The following CMKLR1 variants were observed in gnomAD, a reference collection of about 807,000 sequenced individuals.
The protein encoded by CMKLR1 is chemerin chemokine-like receptor 1.
A neutral mutation model predicts 8.2 loss-of-function variants in CMKLR1; 6 were observed. The observed-to-expected ratio is 0.73, with a 90% CI of 0.40 to 1.44. CMKLR1 has a LOEUF of 1.44. Among genes scored for constraint, CMKLR1 ranks in the 40% most tolerant of loss-of-function variants. CMKLR1 has a pLI of 0.02. For synonymous variants in CMKLR1, 178 were observed against 181.2 expected, an observed-to-expected ratio of 0.98 and a Z score of 0.14; for missense variants, 429 against 478.0, an observed-to-expected ratio of 0.90 and a Z score of 0.96.
In CMKLR1 at chr12:108,303,584, C is replaced by T. The variant is rs116595226; in HGVS notation, c.-73-9920G>A. Reference sequence around the variant, plus strand: ...TTCTGAAGGAATGCTCAGAGACAGGCTTCAAGCCCAAACCCTGCTGAATTG... The same window carrying T: ...TTCTGAAGGAATGCTCAGAGACAGGTTTCAAGCCCAAACCCTGCTGAATTG... On this transcript the variant is annotated intron_variant, in intron 2 of 3. Transcript: ENST00000550402. 3.9e-3 allele frequency among the ~76,000 whole-genome samples: 600 copies of T among 152,290 alleles called. 2 individuals carry two copies. Among genetic ancestry groups the T allele is most frequent in the African/African-American group, 0.013 (552 of 41,558 alleles).
chr12:108,293,704 C>G, intron 2 of CMKLR1, 40 bp from the exon 3 acceptor site: 1 of 1,214,968 alleles, frequency 8.2e-7, no homozygotes, highest in East Asian at 2.5e-5. Context: ...GCAATTGGAT[C>G]CAGGTCTAAG....
chr12:108,292,084 G>C lies in CMKLR1; in HGVS notation c.879C>G (p.Val293=), dbSNP rs760288931. Residue 293 remains valine (V), a synonymous_variant, in exon 4 of 4, where the codon GTC becomes GTG. Coordinates refer to ENST00000550402, the MANE Select transcript of CMKLR1 (RefSeq NM_001142343.2). The part of the protein sequence containing the change: ...ELHHTAMPGS[V]FSLGLPLATA... ...TGGCCAGGGGCAAACCCAGGCTGAA[G>C]ACAGAGCCAGGCATGGCAGTGTGGT... is the stretch of plus-strand genomic sequence containing the variant. 1 of 1,614,122 alleles carries C rather than the reference G, an allele frequency of 6.2e-7. No homozygotes were observed. Among genetic ancestry groups the C allele is most frequent in the Non-Finnish European group, 8.5e-7 (1 of 1,180,038 alleles).
rs143062547 is a variant in CMKLR1, at chr12:108,304,932, A to C, written c.-73-11268T>G. 2.9e-3 allele frequency among the ~76,000 whole-genome samples: 447 copies of C among 152,348 alleles called. 1 individual carries two copies. Among genetic ancestry groups the C allele is most frequent in the Middle Eastern group, 0.01 (3 of 294 alleles). On this transcript the variant is annotated intron_variant, in intron 2 of 3. Coordinates refer to ENST00000550402, the MANE Select transcript of CMKLR1 (RefSeq NM_001142343.2). ...CTGTGGGCGTAAGAGCCCATCAGGG[A>C]AACTGGAAACATTCCTCGCTCTGCA...
chr12:108,336,149 T>C (rs1261256951), intron 1 of CMKLR1, among the ~76,000 whole-genome samples: 1 of 152,190 alleles, frequency 6.6e-6, no homozygotes, highest in Non-Finnish European at 1.5e-5. Flanking sequence ...TTGGTAGTTC[T>C]CAAGTTTTGG....
intron 2 of CMKLR1, among the ~76,000 whole-genome samples, chr12:108,328,321 G>A (rs567092114): frequency 5.0e-4 from 76 of 152,198 alleles, no homozygotes; most frequent in South Asian, 2.1e-4. Flanking sequence ...CTGATCTCCC[G>A]CATCCCTTCC....
intron 2 of CMKLR1, among the ~76,000 whole-genome samples, chr12:108,307,674 C>T (rs1891444084): frequency 6.6e-6 from 1 of 152,220 alleles, no homozygotes; most frequent in Non-Finnish European, 1.5e-5. Context: ...TCCCACCTCC[C>T]CAGCATCCCT....
chr12:108,294,005 C>T lies in CMKLR1; in HGVS notation c.-73-341G>A, dbSNP rs192269024. Among the ~76,000 whole-genome samples, 103 of 152,232 alleles carry T rather than the reference C, an allele frequency of 6.8e-4. 1 individual carries two copies. Among genetic ancestry groups the T allele is most frequent in the Non-Finnish European group, 8.8e-5 (6 of 68,014 alleles). On this transcript the variant is annotated intron_variant, in intron 2 of 3. Coordinates refer to ENST00000550402, the MANE Select transcript of CMKLR1 (RefSeq NM_001142343.2). Reference sequence around the variant, plus strand: ...TGGATGGCTCAATCCACTACCAGGTCGGGACTCAACTCCACTACCAGGGCA... The same window carrying T: ...TGGATGGCTCAATCCACTACCAGGTTGGGACTCAACTCCACTACCAGGGCA...
chr12:108,292,206 C>T lies in CMKLR1; in HGVS notation c.757G>A (p.Ala253Thr). ...IVCKLQRNRL[A>T]KTKKPFKIIV... ...ATCTTGAAGGGCTTCTTGGTCTTGG[C>T]CAGGCGGTTGCGCTGCAGTTTGCAC... Residue 253 changes from alanine (A) to threonine (T), a missense_variant, in exon 4 of 4, where the codon GCC becomes ACC. Transcript: ENST00000550402. 5 of 1,614,024 alleles carry T rather than the reference C, an allele frequency of 3.1e-6. No homozygotes were observed. The highest frequency in any genetic ancestry group is 4.2e-6 in the Non-Finnish European group (5 of 1,179,972).
intron 2 of CMKLR1, among the ~76,000 whole-genome samples, chr12:108,295,888 T>G (rs1200967060): frequency 6.6e-6 from 1 of 152,132 alleles, no homozygotes; most frequent in Non-Finnish European, 1.5e-5. Flanking sequence ...TCAGAGGCCA[T>G]GTTTTTTCAT....
intron 1 of CMKLR1, among the ~76,000 whole-genome samples, chr12:108,338,758 T>C (rs1222971620): frequency 6.6e-6 from 1 of 152,168 alleles, no homozygotes; most frequent in African/African-American, 2.4e-5. Flanking sequence ...TGGAAGAATA[T>C]AGGTGATATG....
intron 2 of CMKLR1, among the ~76,000 whole-genome samples, chr12:108,306,956 C>T (rs561414135): frequency 4.4e-4 from 67 of 152,172 alleles, no homozygotes; most frequent in Non-Finnish European, 9.0e-4. Context: ...CTGTAGCCCC[C>T]AATAATGGGT....
At position 108,288,520 on chromosome 12, in the gene CMKLR1, G is replaced by A. The variant is rs1381028482; in HGVS notation, c.*3321C>T. ...TTGAGCCAATCCCCTCCCTTTGTCA[G>A]TGCCCAGTTTCCTCACCCCTTCTGA... On this transcript the variant is annotated 3_prime_UTR_variant, in exon 4 of 4. Coordinates refer to ENST00000550402, the MANE Select transcript of CMKLR1 (RefSeq NM_001142343.2). 1 of 152,296 alleles carries A rather than the reference G, an allele frequency of 6.6e-6. No individual in the cohort carries two copies. Among genetic ancestry groups the A allele is most frequent in the East Asian group, 1.9e-4 (1 of 5,194 alleles). The allele number at this position is 152,296 out of a possible 1,614,324, so 9.4% of individuals were successfully genotyped here. A position where few individuals can be genotyped will look rare whatever the true frequency, so the allele number is the denominator to read the frequency against.
chr12:108,326,667 C>T (rs186597695), intron 2 of CMKLR1, among the ~76,000 whole-genome samples: 25 of 152,208 alleles, frequency 1.6e-4, no homozygotes, highest in Admixed American at 3.3e-4. Flanking sequence ...GGCGATGTGG[C>T]CTTGGGCACT....
intron 1 of CMKLR1, among the ~76,000 whole-genome samples, chr12:108,330,797 A>G (rs1334788959): frequency 6.6e-6 from 1 of 152,198 alleles, no homozygotes; most frequent in Non-Finnish European, 1.5e-5. Flanking sequence ...TAGACATAGG[A>G]GACACTGAGC....
chr12:108,326,669 T>C (rs4964677), intron 2 of CMKLR1, among the ~76,000 whole-genome samples: 57,201 of 152,056 alleles, frequency 0.38, 11,104 homozygotes, highest in Admixed American at 0.49. Flanking sequence ...CGATGTGGCC[T>C]TGGGCACTCA....
intron 2 of CMKLR1, among the ~76,000 whole-genome samples, chr12:108,304,187 C>T (rs1047536472): frequency 6.6e-6 from 1 of 152,146 alleles, no homozygotes; most frequent in African/African-American, 2.4e-5. Context: ...CTCCATGGGT[C>T]GACTTGGCCA....
chr12:108,300,420 T>C (rs1383609879), intron 2 of CMKLR1, among the ~76,000 whole-genome samples: 1 of 152,228 alleles, frequency 6.6e-6, no homozygotes, highest in Non-Finnish European at 1.5e-5. Flanking sequence ...ATTTCCCCAA[T>C]AGTAATATCT....
At chr12:108,298,811 G>A (rs575186973) in intron 2 of CMKLR1, among the ~76,000 whole-genome samples, 1 of 152,310 alleles carries the variant, frequency 6.6e-6, no homozygotes, top group South Asian at 2.1e-4. Context: ...AACTCACACT[G>A]GATTTGGCCC....
chr12:108,319,226 G>T (rs1259088863), intron 2 of CMKLR1, among the ~76,000 whole-genome samples: 1 of 152,172 alleles, frequency 6.6e-6, no homozygotes. Flanking sequence ...GCCTCGCTGA[G>T]CCATGAGAAC....
Sources: gnomAD v4.1 joint callset for allele counts (sites outside exome capture counted in the v4.1 genomes callset) on GRCh38, gnomAD v4.1.1 for gene constraint, MANE v1.5 for transcripts, NCBI Gene and HGNC (gene_info 2026-07-23, HGNC 2026-07-21) for gene names.